Variants in ITSN1 observed in about 807,000 individuals in gnomAD.
The protein encoded by ITSN1 is intersectin 1.
ITSN1 carries 58 observed loss-of-function variants against 239.8 expected under a neutral mutation model. The observed-to-expected ratio is 0.24, with a 90% CI of 0.20 to 0.30. The LOEUF (loss-of-function observed/expected upper bound fraction) is 0.30, where lower values mean the gene tolerates loss of function less well. ITSN1 is among the 10% of genes least tolerant of loss of function. ITSN1 has a pLI of 1.00. For missense variants in ITSN1, 1,558 were observed against 2,103.3 expected, an observed-to-expected ratio of 0.74 and a Z score of 5.07; for synonymous variants, 780 against 770.8, an observed-to-expected ratio of 1.01 and a Z score of -0.20.
intron 1 of ITSN1, among the ~76,000 whole-genome samples, chr21:33,694,633 C>A (rs1203204648): frequency 6.6e-6 from 1 of 151,962 alleles, no homozygotes; most frequent in Non-Finnish European, 1.5e-5. Flanking sequence ...CCAGCCTGGC[C>A]AACATGGCGA....
intron 39 of ITSN1, 149 bp downstream of exon 39, chr21:33,886,609 C>T: frequency 1.4e-6 from 1 of 706,632 alleles, no homozygotes; most frequent in Non-Finnish European, 2.3e-6. Context: ...GAGGCTCTGT[C>T]TCCCCTGGAG....
chr21:33,653,589 C>G (rs920727112), intron 1 of ITSN1, among the ~76,000 whole-genome samples: 2 of 152,040 alleles, frequency 1.3e-5, no homozygotes, highest in African/African-American at 4.8e-5. Flanking sequence ...GTGGCACGAT[C>G]TCAGCTCACT....
intron 8 of ITSN1, among the ~76,000 whole-genome samples, chr21:33,758,862 C>G (rs1336293003): frequency 6.6e-6 from 1 of 152,160 alleles, no homozygotes; most frequent in East Asian, 1.9e-4. Context: ...AGCCAGTACT[C>G]CAAAACCGAT....
chr21:33,782,494 CT>C (rs1269190452), intron 16 of ITSN1, among the ~76,000 whole-genome samples: 4 of 152,144 alleles, frequency 2.6e-5, no homozygotes, highest in African/African-American at 9.7e-5. Context: ...TCTGCCACTT[CT>C]TATCTTCATT....
intron 29 of ITSN1, among the ~76,000 whole-genome samples, chr21:33,849,807 TTAAAAA>T (rs927295545): frequency 8.5e-5 from 13 of 152,208 alleles, no homozygotes; most frequent in Non-Finnish European, 1.2e-4. Context: ...CCCACAAAAC[TTAAAAA>T]TAAAACAAAA....
intron 29 of ITSN1, among the ~76,000 whole-genome samples, chr21:33,842,701 G>A (rs1461271983): frequency 2.0e-5 from 3 of 152,142 alleles, no homozygotes; most frequent in South Asian, 4.1e-4. Flanking sequence ...TTGGCACGTC[G>A]CTTCTGAGTG....
intron 1 of ITSN1, among the ~76,000 whole-genome samples, chr21:33,696,148 C>T (rs1462300038): frequency 6.6e-6 from 1 of 152,126 alleles, no homozygotes; most frequent in East Asian, 1.9e-4. Flanking sequence ...ATTCGTGATA[C>T]CCAGTGACTT....
Position 33,797,338 on chromosome 21 carries a change from A to G in ITSN1, c.1953-41A>G. On this transcript the variant is annotated intron_variant, in intron 17 of 39. Coordinates refer to ENST00000381318, the MANE Select transcript of ITSN1 (RefSeq NM_003024.3). This position sits in a 1 kb window ranked among gnomAD's most constrained non-coding sequence, Gnocchi z 4.9. Reference sequence around the variant, plus strand: ...AAAGAGGCAACAGTAGTGTTAACTTAGAGTTGCTTTCTTGCTGTAATCAAG... The same window carrying G: ...AAAGAGGCAACAGTAGTGTTAACTTGGAGTTGCTTTCTTGCTGTAATCAAG... 7 of 1,560,258 alleles carry G rather than the reference A, an allele frequency of 4.5e-6. No individual in the cohort carries two copies. The highest frequency in any genetic ancestry group is 6.2e-6 in the Non-Finnish European group (7 of 1,133,112).
chr21:33,856,989 G>A (rs2148477958), intron 30 of ITSN1, 132 bp downstream of exon 30: 2 of 822,082 alleles, frequency 2.4e-6, no homozygotes, highest in East Asian at 2.7e-5. Flanking sequence ...GCATCTGGAT[G>A]GCAAATGCTA....
intron 24 of ITSN1, among the ~76,000 whole-genome samples, chr21:33,819,596 G>A (rs1208876932): frequency 6.6e-6 from 1 of 152,208 alleles, no homozygotes; most frequent in African/African-American, 2.4e-5. Context: ...TAAGAATCGA[G>A]TTTTCCGAGC....
chr21:33,795,987 G>A (rs1414974172), intron 17 of ITSN1, among the ~76,000 whole-genome samples: 5 of 144,694 alleles, frequency 3.5e-5, no homozygotes, highest in South Asian at 4.4e-4. Context: ...TTTTTGAGAC[G>A]GAGTCTCGCT....
At chr21:33,788,518 G>T (rs147247638) in intron 16 of ITSN1, among the ~76,000 whole-genome samples, 1 of 152,288 alleles carries the variant, frequency 6.6e-6, no homozygotes, top group Non-Finnish European at 1.5e-5. Flanking sequence ...ATCACTTGAG[G>T]TCAGGAGTTT....
intron 1 of ITSN1, among the ~76,000 whole-genome samples, chr21:33,654,511 A>G (rs906387241): frequency 1.3e-5 from 2 of 152,258 alleles, no homozygotes; most frequent in Non-Finnish European, 2.9e-5. Context: ...TGGAATGTAT[A>G]TCTGACCCAA....
At chr21:33,876,151 T>TTCTTTCTTTCTTTCTTTC (rs1555970439) in intron 34 of ITSN1, among the ~76,000 whole-genome samples, 4 of 42,870 alleles carry the variant, frequency 9.3e-5, no homozygotes, top group East Asian at 9.6e-4. Flanking sequence ...CTTTCTTTCT[T>TTCTTTCTTTCTTTCTTTC]TCTCTCTCTC....
chr21:33,846,109 G>C (rs968795848), intron 29 of ITSN1, among the ~76,000 whole-genome samples: 1 of 152,070 alleles, frequency 6.6e-6, no homozygotes, highest in African/African-American at 2.4e-5. Flanking sequence ...TCATCATCTA[G>C]CCTCACTCTG....
intron 4 of ITSN1, 55 bp downstream of exon 4, chr21:33,722,706 C>T (rs1028883221): frequency 3.5e-5 from 51 of 1,471,814 alleles, no homozygotes; most frequent in South Asian, 9.4e-5. Flanking sequence ...AATAAAATAT[C>T]GTTTTGTTCT....
chr21:33,797,352 G>T lies in ITSN1; in HGVS notation c.1953-27G>T, dbSNP rs768502146. ...AGTGTTAACTTAGAGTTGCTTTCTT[G>T]CTGTAATCAAGCGTGTTTGTTGGCA... On this transcript the variant is annotated intron_variant, in intron 17 of 39. Coordinates refer to ENST00000381318, the MANE Select transcript of ITSN1 (RefSeq NM_003024.3). The surrounding 1 kb of genome is among the most constrained non-coding windows in gnomAD (Gnocchi z 4.9). 63 of 1,600,582 alleles carry T rather than the reference G, an allele frequency of 3.9e-5. No individual in the cohort carries two copies. Among genetic ancestry groups the T allele is most frequent in the Non-Finnish European group, 5.4e-5 (63 of 1,168,958 alleles).
chr21:33,745,889 A>G (rs1012922691), intron 5 of ITSN1, among the ~76,000 whole-genome samples: 2 of 152,198 alleles, frequency 1.3e-5, no homozygotes, highest in African/African-American at 4.8e-5. Context: ...AACTGCATGC[A>G]CGTATAGAGA....
chr21:33,703,243 A>G (rs910078532), intron 1 of ITSN1, among the ~76,000 whole-genome samples: 4 of 151,802 alleles, frequency 2.6e-5, no homozygotes, highest in Admixed American at 2.6e-4. Context: ...TTATAAATAC[A>G]TGTTTATTAG....
Sources: gnomAD v4.1 joint callset for allele counts (sites outside exome capture counted in the v4.1 genomes callset) on GRCh38, gnomAD v4.1.1 for gene constraint, Gnocchi (gnomAD v3.1) non-coding constraint, MANE v1.5 for transcripts, NCBI Gene and HGNC (gene_info 2026-07-23, HGNC 2026-07-21) for gene names.